Variants in EPHA7 observed in about 807,000 individuals in gnomAD.
EPHA7 encodes the protein EPH receptor A7.
In EPHA7, 25 loss-of-function variants were observed where a neutral mutation model predicts 112.6. The ratio of observed to expected loss-of-function variants is 0.22; its 90% CI spans 0.16 to 0.31. The LOEUF is 0.31. Ranked by LOEUF, EPHA7 falls within the 10% of genes least tolerant of loss-of-function variation. The pLI is 1.00. For synonymous variants in EPHA7, 437 were observed against 406.5 expected, an observed-to-expected ratio of 1.07 and a Z score of -0.90; for missense variants, 962 against 1,212.6, an observed-to-expected ratio of 0.79 and a Z score of 3.07.
chr6:93,417,170 C>A (rs914655387), intron 1 of EPHA7, among the ~76,000 whole-genome samples: 2 of 152,180 alleles, frequency 1.3e-5, no homozygotes, highest in Admixed American at 1.3e-4. Context: ...TGATAACTGA[C>A]CAACCCGAGA....
intron 3 of EPHA7, among the ~76,000 whole-genome samples, chr6:93,378,013 C>T (rs1291783417): frequency 2.0e-5 from 3 of 148,460 alleles, no homozygotes; most frequent in Non-Finnish European, 4.4e-5. Flanking sequence ...TCTAATAAAG[C>T]ATTAGGTGTT....
At chr6:93,263,514 C>G (rs541883918) in intron 9 of EPHA7, among the ~76,000 whole-genome samples, 1 of 151,276 alleles carries the variant, frequency 6.6e-6, no homozygotes, top group Non-Finnish European at 1.5e-5. Context: ...TCTTTGTAAC[C>G]TGACATGACA....
chr6:93,275,866 C>T (rs936072518), intron 5 of EPHA7, among the ~76,000 whole-genome samples: 7 of 151,944 alleles, frequency 4.6e-5, no homozygotes, highest in African/African-American at 1.7e-4. Flanking sequence ...CATATGTGAT[C>T]TTTGATCTTA....
At chr6:93,350,745 A>AT (rs930778012) in intron 5 of EPHA7, among the ~76,000 whole-genome samples, 131 of 148,822 alleles carry the variant, frequency 8.8e-4, no homozygotes, top group African/African-American at 2.4e-3. Flanking sequence ...CTAGGCAGGA[A>AT]TTTTTTTTTT....
chr6:93,282,972 C>T (rs1322249818), intron 5 of EPHA7, among the ~76,000 whole-genome samples: 1 of 152,172 alleles, frequency 6.6e-6, no homozygotes, highest in Non-Finnish European at 1.5e-5. Context: ...CATCGACCAC[C>T]CAAGGGCTGA....
chr6:93,249,870 A>C (rs1770127548), intron 14 of EPHA7, among the ~76,000 whole-genome samples: 1 of 152,150 alleles, frequency 6.6e-6, no homozygotes, highest in African/African-American at 2.4e-5. Flanking sequence ...AGCTTTCAAC[A>C]CAATATATTC....
chr6:93,301,507 G>A (rs150792002), intron 5 of EPHA7, among the ~76,000 whole-genome samples: 2 of 152,052 alleles, frequency 1.3e-5, no homozygotes, highest in African/African-American at 4.8e-5. Flanking sequence ...AAACAAAGTT[G>A]TTAAATACTT....
chr6:93,355,784 A>G (rs544134092), intron 5 of EPHA7, among the ~76,000 whole-genome samples: 1 of 152,342 alleles, frequency 6.6e-6, no homozygotes, highest in Non-Finnish European at 1.5e-5. Flanking sequence ...CAGTAAGAAA[A>G]TAAGTGTAAA....
chr6:93,333,314 A>G (rs1441976405), intron 5 of EPHA7, among the ~76,000 whole-genome samples: 2 of 151,746 alleles, frequency 1.3e-5, no homozygotes, highest in African/African-American at 4.8e-5. Flanking sequence ...TGATTCCATG[A>G]CTTTGCTACT....
intron 5 of EPHA7, among the ~76,000 whole-genome samples, chr6:93,288,972 A>G (rs534462835): frequency 6.6e-6 from 1 of 152,318 alleles, no homozygotes; most frequent in East Asian, 1.9e-4. Context: ...GGTTTTGCTA[A>G]CCAATATGTT....
intron 5 of EPHA7, among the ~76,000 whole-genome samples, chr6:93,314,230 T>C (rs1297050214): frequency 6.6e-6 from 1 of 152,188 alleles, no homozygotes; most frequent in African/African-American, 2.4e-5. Context: ...CTGCTTTTTT[T>C]CTTCTAAGAA....
At chr6:93,273,108 A>G (rs955844199) in intron 5 of EPHA7, among the ~76,000 whole-genome samples, 1 of 151,994 alleles carries the variant, frequency 6.6e-6, no homozygotes, top group Admixed American at 6.6e-5. Context: ...GAGCAATTCA[A>G]AGCTACAATC....
intron 5 of EPHA7, among the ~76,000 whole-genome samples, chr6:93,346,558 T>C (rs976945471): frequency 1.3e-5 from 2 of 151,850 alleles, no homozygotes; most frequent in African/African-American, 4.8e-5. Flanking sequence ...AGGGTATTAC[T>C]AAAATATAAC....
intron 3 of EPHA7, among the ~76,000 whole-genome samples, chr6:93,371,902 T>C (rs1223397649): frequency 6.6e-6 from 1 of 152,126 alleles, no homozygotes; most frequent in Non-Finnish European, 1.5e-5. Context: ...TGCACCCAAA[T>C]GAAGTGGTTA....
intron 14 of EPHA7, among the ~76,000 whole-genome samples, chr6:93,253,855 T>A (rs545813177): frequency 6.6e-6 from 1 of 152,072 alleles, no homozygotes; most frequent in Non-Finnish European, 1.5e-5. Context: ...CATATTTCAA[T>A]AGGTTGAACT....
Position 93,300,621 on chromosome 6 carries a change from C to T in EPHA7, c.1325-28199G>A, listed in dbSNP as rs531036871. Among the ~76,000 whole-genome samples, 15 of 152,174 alleles carry T rather than the reference C, an allele frequency of 9.9e-5. No individual in the cohort carries two copies. The South Asian group carries it at 2.9e-3, about 29-fold the overall frequency. On this transcript the variant is annotated intron_variant, in intron 5 of 16. Coordinates refer to ENST00000369303, the MANE Select transcript of EPHA7 (RefSeq NM_004440.4). The stretch of plus-strand genomic sequence containing the variant: ...ATCTGTAATTTTTAAAGCTATAACC[C>T]AAATAACTATGAAAATTCTCCCAAT...
intron 7 of EPHA7, among the ~76,000 whole-genome samples, chr6:93,267,630 T>C (rs1771009044): frequency 6.6e-6 from 1 of 151,800 alleles, no homozygotes; most frequent in African/African-American, 2.4e-5. Flanking sequence ...ATATTGATAG[T>C]AAAAATCACT....
At chr6:93,378,712 G>C (rs1284693359) in intron 3 of EPHA7, among the ~76,000 whole-genome samples, 1 of 152,088 alleles carries the variant, frequency 6.6e-6, no homozygotes, top group Non-Finnish European at 1.5e-5. Flanking sequence ...TTACAAAAGT[G>C]GAGGCTCAGA....
Position 93,315,097 on chromosome 6 carries a change from C to T in EPHA7, c.1324+41620G>A, listed in dbSNP as rs955939175. Among the ~76,000 whole-genome samples the T allele has an allele frequency of 3.7e-4, 56 of 149,958 alleles. 3 individuals carry two copies. Among genetic ancestry groups the T allele is most frequent in the African/African-American group, 1.3e-3 (51 of 39,894 alleles). On this transcript the variant is annotated intron_variant, in intron 5 of 16. Coordinates refer to ENST00000369303, the MANE Select transcript of EPHA7 (RefSeq NM_004440.4). ...CAGGATGGTCTCGATCTCCTGACCT[C>T]GTGATCCGCCCGCCTCGGCCTCCCA...
Sources: allele counts gnomAD v4.1 joint callset (sites outside exome capture counted in the v4.1 genomes callset), GRCh38; gene constraint gnomAD v4.1.1; transcripts MANE v1.5; gene names NCBI Gene and HGNC (gene_info 2026-07-23, HGNC 2026-07-21).